NLRP9: variants seen among roughly 807,000 people sequenced by gnomAD.
NLRP9 encodes the protein NACHT, LRR and PYD domains-containing protein 9.
Under a neutral mutation model 83.1 loss-of-function variants are expected in NLRP9, and 88 were observed. The ratio of observed to expected loss-of-function variants is 1.06; its 90% CI spans 0.89 to 1.26. NLRP9 has a LOEUF of 1.26. Among genes scored for constraint, NLRP9 ranks in the 50% most tolerant of loss-of-function variants. NLRP9 has a pLI of 0.00. For missense variants in NLRP9, 1,308 were observed against 1,179.3 expected (o/e 1.11, Z -1.60); for synonymous variants, 521 against 447.6 (o/e 1.16, Z -2.07).
chr19:55,730,004 C>G lies in NLRP9; in HGVS notation c.1833-12G>C, dbSNP rs769318176. The G allele has an allele frequency of 3.7e-6, 6 of 1,606,662 alleles. No individual in the cohort carries two copies. In the African/African-American group the frequency reaches 5.4e-5, roughly 14 times the overall value. On this transcript the variant is annotated splice_polypyrimidine_tract_variant and intron_variant, in intron 2 of 8. Coordinates refer to ENST00000332836, the MANE Select transcript of NLRP9 (RefSeq NM_176820.4). Reference sequence around the variant, plus strand: ...GCTTCTCATTGTAACTATGAGAGAACAAAGATTGTGATTCTCCAGTGGCTA... The same window carrying G: ...GCTTCTCATTGTAACTATGAGAGAAGAAAGATTGTGATTCTCCAGTGGCTA...
chr19:55,716,917 C>A lies in NLRP9; in HGVS notation c.2160-19G>T, dbSNP rs1568595865. 3 of 1,607,726 alleles carry A rather than the reference C, an allele frequency of 1.9e-6. No individual in the cohort carries two copies. The highest frequency in any genetic ancestry group is 1.7e-5 in the Admixed American group (1 of 59,938). On this transcript the variant is annotated intron_variant, in intron 4 of 8. Transcript: ENST00000332836. ...TCCCAGTCTACATGTGAAACACACA[C>A]CATGAGACGGACCAAAGCTTTCAAT...
At chr19:55,715,439 C>T (rs923667003) in intron 5 of NLRP9, among the ~76,000 whole-genome samples, 1 of 152,168 alleles carries the variant, frequency 6.6e-6, no homozygotes, top group Non-Finnish European at 1.5e-5. Flanking sequence ...CATCCCAGCA[C>T]TTTGGGAGGC....
chr19:55,725,047 G>GA (rs1988357935), intron 3 of NLRP9, among the ~76,000 whole-genome samples: 2 of 152,072 alleles, frequency 1.3e-5, no homozygotes, highest in South Asian at 4.1e-4. Flanking sequence ...CAACAAGAGT[G>GA]AAACTGTGTC....
intron 4 of NLRP9, among the ~76,000 whole-genome samples, chr19:55,718,353 C>T (rs923263207): frequency 1.3e-5 from 2 of 152,290 alleles, no homozygotes; most frequent in South Asian, 4.2e-4. Flanking sequence ...AGAGGGAGGC[C>T]TCTTTGCAGT....
At chr19:55,728,497 G>A (rs564950133) in intron 3 of NLRP9, among the ~76,000 whole-genome samples, 4 of 152,148 alleles carry the variant, frequency 2.6e-5, no homozygotes, top group Admixed American at 6.5e-5. Flanking sequence ...GCTTGAACCC[G>A]GGAGGTGGAG....
intron 4 of NLRP9, among the ~76,000 whole-genome samples, chr19:55,717,530 C>T (rs372478839): frequency 5.3e-5 from 8 of 152,322 alleles, no homozygotes; most frequent in African/African-American, 9.6e-5. Flanking sequence ...TGCTGCTCAA[C>T]GTCCTTTAGT....
At chr19:55,713,889 C>T (rs770462401) in intron 6 of NLRP9, among the ~76,000 whole-genome samples, 1 of 101,412 alleles carries the variant, frequency 9.9e-6, no homozygotes, top group Non-Finnish European at 2.1e-5. Flanking sequence ...TCTCCTCCCT[C>T]GTTCTTCTCT....
At chr19:55,714,847 G>A (rs1987944047) in intron 6 of NLRP9, among the ~76,000 whole-genome samples, 1 of 152,098 alleles carries the variant, frequency 6.6e-6, no homozygotes, top group East Asian at 1.9e-4. Context: ...TCTTTTATAG[G>A]TGTGGGAGAC....
At chr19:55,722,321 G>A (rs897505199) in intron 4 of NLRP9, among the ~76,000 whole-genome samples, 3 of 152,040 alleles carry the variant, frequency 2.0e-5, no homozygotes, top group Admixed American at 6.6e-5. Context: ...AAATACTATA[G>A]AATTTTGAAA....
intron 3 of NLRP9, 103 bp from the exon 4 acceptor site, chr19:55,724,247 A>C (rs1480181204): frequency 2.7e-6 from 2 of 733,674 alleles, no homozygotes; most frequent in Non-Finnish European, 4.3e-6. Context: ...GGGCCTCACC[A>C]CACTGTTTCT....
Sources: allele counts gnomAD v4.1 joint callset (sites outside exome capture counted in the v4.1 genomes callset), GRCh38; gene constraint gnomAD v4.1.1; transcripts MANE v1.5; gene names NCBI Gene and HGNC (gene_info 2026-07-23, HGNC 2026-07-21).